The following RPTOR variants were observed in gnomAD, a reference collection of about 807,000 sequenced individuals.
The protein encoded by RPTOR is regulatory-associated protein of mTOR.
Under a neutral mutation model 169.9 loss-of-function variants are expected in RPTOR, and 21 were observed. The observed-to-expected ratio is 0.12, with a 90% confidence interval of 0.09 to 0.18. The LOEUF is 0.18. Ranked by LOEUF, RPTOR falls within the 10% of genes least tolerant of loss-of-function variation. RPTOR has a pLI of 1.00. For synonymous variants in RPTOR, 732 were observed against 753.2 expected (o/e 0.97, Z 0.46); for missense variants, 1,133 against 1,855.9 (o/e 0.61, Z 7.16).
At chr17:80,743,723 G>T (rs62067931) in intron 5 of RPTOR, among the ~76,000 whole-genome samples, 943 of 54,816 alleles carry the variant, frequency 0.017, 21 homozygotes, top group Middle Eastern at 0.058. Flanking sequence ...TCCTGGCTAC[G>T]AGCACAGCCC....
In RPTOR at chr17:80,695,779, C is replaced by A. The variant is rs2066031114; in HGVS notation, c.349-12062C>A. On this transcript the variant is annotated intron_variant, in intron 3 of 33. Coordinates refer to ENST00000306801, the MANE Select transcript of RPTOR (RefSeq NM_020761.3). The surrounding 1 kb of genome is among the most constrained non-coding windows in gnomAD (Gnocchi z 4.9). ...CTTGAGGCCCATCTTTACAGAGTGA[C>A]AGGAGCTCAGGATGCAGAGGCACCA... 6.6e-6 allele frequency among the ~76,000 whole-genome samples: 1 copy of A among 152,196 alleles called. No homozygotes were observed. Among genetic ancestry groups the A allele is most frequent in the African/African-American group, 2.4e-5 (1 of 41,454 alleles).
chr17:80,849,261 A>G (rs556524553), intron 11 of RPTOR, among the ~76,000 whole-genome samples: 1 of 152,180 alleles, frequency 6.6e-6, no homozygotes, highest in Non-Finnish European at 1.5e-5. Context: ...GAGTTTTCTC[A>G]CTCGCTTCCG....
chr17:80,598,403 T>G (rs544441653), intron 1 of RPTOR, among the ~76,000 whole-genome samples: 1 of 152,310 alleles, frequency 6.6e-6, no homozygotes, highest in South Asian at 2.1e-4. Flanking sequence ...GGGCAATTCA[T>G]GGATGGAGGA....
intron 24 of RPTOR, among the ~76,000 whole-genome samples, chr17:80,939,991 G>A (rs568360851): frequency 1.3e-5 from 2 of 152,238 alleles, no homozygotes; most frequent in African/African-American, 2.4e-5. Context: ...TCCCAGCTCC[G>A]GGGAGGGACC....
chr17:80,766,758 T>C (rs1006039666), intron 6 of RPTOR, among the ~76,000 whole-genome samples: 34 of 152,290 alleles, frequency 2.2e-4, no homozygotes, highest in Non-Finnish European at 4.4e-5. Context: ...CAATAATTGA[T>C]CTCAAAATTT....
In RPTOR at chr17:80,579,130, G is replaced by A. The variant is rs145741850; in HGVS notation, c.162+33339G>A. The stretch of plus-strand genomic sequence containing the variant: ...GATCTGAGCCTCCTGTGCTTTGCCC[G>A]AGTTAGGGCCTCAAGGACTTTGTGG... On this transcript the variant is annotated intron_variant, in intron 1 of 33. Transcript: ENST00000306801. Among the ~76,000 whole-genome samples, 551 of 152,298 alleles carry A rather than the reference G, an allele frequency of 3.6e-3. 3 individuals are homozygous for A. Among genetic ancestry groups the A allele is most frequent in the African/African-American group, 0.013 (533 of 41,550 alleles).
At chr17:80,834,811 G>C (rs558876368) in intron 9 of RPTOR, among the ~76,000 whole-genome samples, 1 of 152,150 alleles carries the variant, frequency 6.6e-6, no homozygotes, top group Admixed American at 6.6e-5. Flanking sequence ...AGCACTGACC[G>C]AGGCCACACC....
rs943850732 is a variant in RPTOR, at chr17:80,651,547, T to C, written c.348+7737T>C. ...ACACATAATGGAGATTTTTTTAAAA[T>C]GGACATACGAAGCACATAACGTCAA... On this transcript the variant is annotated intron_variant, in intron 3 of 33. Transcript: ENST00000306801. The surrounding 1 kb of genome is among the most constrained non-coding windows in gnomAD (Gnocchi z 4.1). Among the ~76,000 whole-genome samples the C allele has an allele frequency of 1.3e-5, 2 of 152,216 alleles. No individual in the cohort carries two copies. Among genetic ancestry groups the C allele is most frequent in the East Asian group, 1.9e-4 (1 of 5,160 alleles).
intron 21 of RPTOR, among the ~76,000 whole-genome samples, chr17:80,922,264 G>A (rs1201951208): frequency 2.0e-5 from 3 of 152,212 alleles, no homozygotes; most frequent in South Asian, 2.1e-4. Context: ...GCCTCAACTC[G>A]CAGCCTCTGA....
In RPTOR at chr17:80,914,120, G is replaced by A. The variant is rs1271960179; in HGVS notation, c.2520+5191G>A. 3.3e-5 allele frequency among the ~76,000 whole-genome samples: 5 copies of A among 152,270 alleles called. No individual in the cohort carries two copies. In the East Asian group the frequency reaches 9.6e-4, roughly 29 times the overall value. ...GGTGTACTTAACGAAAGGTCAAATT[G>A]ATGGCAGTGGCAGCCAGTCTGGGAG... On this transcript the variant is annotated intron_variant, in intron 21 of 33. Transcript: ENST00000306801.
chr17:80,631,150 C>T (rs2065438803), intron 2 of RPTOR, among the ~76,000 whole-genome samples: 1 of 152,188 alleles, frequency 6.6e-6, no homozygotes, highest in African/African-American at 2.4e-5. Flanking sequence ...ACAGTGTGTT[C>T]TATGCCCATG....
At chr17:80,719,300 T>G (rs1210503910) in intron 4 of RPTOR, among the ~76,000 whole-genome samples, 1 of 152,114 alleles carries the variant, frequency 6.6e-6, no homozygotes, top group Non-Finnish European at 1.5e-5. Context: ...GGAACAGAGA[T>G]GGAATTGATA....
At chr17:80,742,284 G>A (rs911824687) in intron 5 of RPTOR, among the ~76,000 whole-genome samples, 7 of 152,156 alleles carry the variant, frequency 4.6e-5, no homozygotes, top group Non-Finnish European at 8.8e-5. Context: ...CGGCCCTTAA[G>A]TAGGTGTGAA....
intron 12 of RPTOR, among the ~76,000 whole-genome samples, chr17:80,856,227 G>A (rs2067850594): frequency 6.6e-6 from 1 of 152,194 alleles, no homozygotes; most frequent in Non-Finnish European, 1.5e-5. Flanking sequence ...AAATTTTACA[G>A]GTGCTGGATT....
Position 80,957,527 on chromosome 17 carries a change from T to C in RPTOR, c.3371-97T>C, listed in dbSNP as rs988765072. 1.8e-6 allele frequency: 2 copies of C among 1,114,940 alleles called. No individual in the cohort carries two copies. Among genetic ancestry groups the C allele is most frequent in the African/African-American group, 3.1e-5 (2 of 65,380 alleles). 69.1% of individuals were successfully genotyped at this position (1,114,940 alleles called of 1,614,324 possible). On this transcript the variant is annotated intron_variant, in intron 28 of 33. Transcript: ENST00000306801. This position sits in a 1 kb window ranked among gnomAD's most constrained non-coding sequence, Gnocchi z 4.6. ...GGGCTCGATGGTGGCAGGGGTACCTTGTAGCTGCTGGCCAAATTGCTGCCC... is the reference window on the plus strand; with the variant it reads ...GGGCTCGATGGTGGCAGGGGTACCTCGTAGCTGCTGGCCAAATTGCTGCCC...
At chr17:80,889,406 G>A (rs2068288185) in intron 17 of RPTOR, among the ~76,000 whole-genome samples, 1 of 152,222 alleles carries the variant, frequency 6.6e-6, no homozygotes, top group African/African-American at 2.4e-5. Flanking sequence ...CAGCCAGGGA[G>A]CAGGAGGACA....
rs1211504627 is a variant in RPTOR, at chr17:80,925,364, C to T, written c.2809-6C>T. On this transcript the variant is annotated splice_region_variant and splice_polypyrimidine_tract_variant and intron_variant, in intron 23 of 33. Transcript: ENST00000306801. ...TCCTTCCAACCCTCCTGCTTAAACCCTGAAGACTGCGGACGACGCGGACGA... is the reference window on the plus strand; with the variant it reads ...TCCTTCCAACCCTCCTGCTTAAACCTTGAAGACTGCGGACGACGCGGACGA... 1.2e-6 allele frequency: 2 copies of T among 1,613,006 alleles called. No homozygotes were observed. Among genetic ancestry groups the T allele is most frequent in the African/African-American group, 1.3e-5 (1 of 75,040 alleles).
rs986123705 is a variant in RPTOR, at chr17:80,740,001, A to G, written c.654+9295A>G. Among the ~76,000 whole-genome samples the G allele has an allele frequency of 3.3e-5, 5 of 152,024 alleles. No homozygotes were observed. The East Asian group carries it at 5.8e-4, about 18-fold the overall frequency. On this transcript the variant is annotated intron_variant, in intron 5 of 33. Coordinates refer to ENST00000306801, the MANE Select transcript of RPTOR (RefSeq NM_020761.3). ...AGAAATATTAAAAGCTGATTCTCAG[A>G]AAAAAAATCAATAAAATGGATACAT... is the stretch of plus-strand genomic sequence containing the variant.
chr17:80,616,296 A>ATTTTTT (rs1409395643), intron 1 of RPTOR, among the ~76,000 whole-genome samples: 49 of 101,784 alleles, frequency 4.8e-4, no homozygotes, highest in East Asian at 8.6e-4. Context: ...AAAATTGAAA[A>ATTTTTT]TCTTTTTTTT....
Sources: allele counts gnomAD v4.1 joint callset (sites outside exome capture counted in the v4.1 genomes callset), GRCh38; gene constraint gnomAD v4.1.1; non-coding constraint Gnocchi (gnomAD v3.1); transcripts MANE v1.5; gene names NCBI Gene and HGNC (gene_info 2026-07-23, HGNC 2026-07-21).